Variants in NPR1 observed in about 807,000 individuals in gnomAD.
NPR1 encodes natriuretic peptide receptor 1, also known as atrial natriuretic peptide receptor 1.
A neutral mutation model predicts 116.9 loss-of-function variants in NPR1; 57 were observed. That is an observed-to-expected ratio of 0.49 (90% CI 0.39 to 0.61). The LOEUF (loss-of-function observed/expected upper bound fraction) is 0.61, where lower values mean the gene tolerates loss of function less well. Among genes scored for constraint, NPR1 ranks in the 20% least tolerant of loss-of-function variants. NPR1 has a pLI of 0.00. For missense variants in NPR1, 1,096 were observed against 1,409.8 expected, an observed-to-expected ratio of 0.78 and a Z score of 3.56; for synonymous variants, 555 against 601.6, an observed-to-expected ratio of 0.92 and a Z score of 1.13.
At chr1:153,681,922 G>A in intron 4 of NPR1, 83 bp downstream of exon 4, 1 of 1,542,080 alleles carries the variant, frequency 6.5e-7, no homozygotes, top group Non-Finnish European at 8.8e-7. Context: ...GAAGCCTATT[G>A]TCCTGCAGCA....
At chr1:153,690,408 T>C in intron 20 of NPR1, 26 bp downstream of exon 20, 1 of 1,516,000 alleles carries the variant, frequency 6.6e-7, no homozygotes, top group Non-Finnish European at 9.0e-7. Context: ...CTAGAGGGAA[T>C]GGGGAGGGCA....
rs1343940440 is a variant in NPR1, at chr1:153,689,102, G to A, written c.2564+3G>A. ...CTGCTCTACCAGATCCTGCCTCAGT[G>A]AGTGCCTGAGTCTGGGGACCCCCCC... On this transcript the variant is annotated splice_donor_region_variant and intron_variant, in intron 16 of 21. Transcript: ENST00000368680. The surrounding 1 kb of genome is among the most constrained non-coding windows in gnomAD (Gnocchi z 5.1). 5 of 1,614,034 alleles carry A rather than the reference G, an allele frequency of 3.1e-6. No homozygotes were observed. The highest frequency in any genetic ancestry group is 4.2e-6 in the Non-Finnish European group (5 of 1,180,020).
Position 153,681,197 on chromosome 1 carries a change from A to G in NPR1, c.939A>G (p.Thr313=). Residue 313 remains threonine, a synonymous_variant, in exon 3 of 22, where the codon ACA becomes ACG. Transcript: ENST00000368680. ...RQAFQAAKII[T]YKDPDNPEYL... is the part of the protein sequence containing the mutation. ...TTTCTCAGGCTGCCAAAATCATTAC[A>G]TATAAAGACCCAGATAATCCCGAGT... The G allele has an allele frequency of 6.2e-7, 1 of 1,610,820 alleles. No homozygotes were observed. The highest frequency in any genetic ancestry group is 2.2e-5 in the East Asian group (1 of 44,870).
In NPR1 at chr1:153,686,175, G is replaced by A. The variant is rs1233840056; in HGVS notation, c.1733G>A (p.Arg578Gln). The A allele has an allele frequency of 3.5e-5, 57 of 1,614,132 alleles. No homozygotes were observed. The highest frequency in any genetic ancestry group is 4.6e-5 in the Non-Finnish European group (54 of 1,180,022). Residue 578 changes from arginine (R) to glutamine (Q), a missense_variant, in exon 10 of 22, where the codon CGA becomes CAA. By Grantham distance (43) the Arg-to-Gln change is conservative. Transcript: ENST00000368680. ...AACCGTAAACGCATTGAGCTGACAC[G>A]AAAAGTCCTGTTTGAACTGAAGCAT... The part of the protein sequence containing the change: ...RVNRKRIELT[R>Q]KVLFELKHMR...
At position 153,679,146 on chromosome 1, in the gene NPR1, G is replaced by GCCTGCT. The variant is rs1021769501; in HGVS notation, c.51_56dup (p.Leu19_Leu20dup). ...CGGCGCCCCGCTGGCTCCCGCCTGCGCCTGCTCCTGCTCCTGCTGCTGCCG... is the reference window on the plus strand; with the variant it reads ...CGGCGCCCCGCTGGCTCCCGCCTGCGCCTGCTCCTGCTCCTGCTCCTGCTGCTGCCG... On this transcript the variant is annotated inframe_insertion, in exon 1 of 22. Transcript: ENST00000368680. The surrounding 1 kb of genome is among the most constrained non-coding windows in gnomAD (Gnocchi z 4.2). 20 of 1,474,956 alleles carry GCCTGCT rather than the reference G, an allele frequency of 1.4e-5. No individual in the cohort carries two copies. The highest frequency in any genetic ancestry group is 1.6e-5 in the Non-Finnish European group (18 of 1,121,712). 91.4% of individuals were successfully genotyped at this position (1,474,956 alleles called of 1,614,324 possible). A position where few individuals can be genotyped will look rare whatever the true frequency, so the allele number is the denominator to read the frequency against.
In NPR1 at chr1:153,688,978, A is replaced by AAT. The variant is rs1557965024; in HGVS notation, c.2444_2445insTA (p.Leu816ThrfsTer47). 1 of 1,614,194 alleles carries AAT rather than the reference A, an allele frequency of 6.2e-7. No homozygotes were observed. Among genetic ancestry groups the AAT allele is most frequent in the South Asian group, 1.1e-5 (1 of 91,088 alleles). Reference sequence around the variant, plus strand: ...GGAGAACAGCAGCAACATCCTGGACAACCTGCTGTCCCGCATGGAGCAGTA... The same window carrying AAT: ...GGAGAACAGCAGCAACATCCTGGACAATACCTGCTGTCCCGCATGGAGCAGTA... On this transcript the variant is annotated frameshift_variant, in exon 16 of 22. Coordinates refer to ENST00000368680, the MANE Select transcript of NPR1 (RefSeq NM_000906.4). LOFTEE classifies it high-confidence loss of function.
intron 7 of NPR1, among the ~76,000 whole-genome samples, 195 bp downstream of exon 7, chr1:153,684,019 G>C (rs76081338): frequency 6.6e-6 from 1 of 152,158 alleles, no homozygotes; most frequent in Non-Finnish European, 1.5e-5. Flanking sequence ...GAGGGGAGGA[G>C]ACAAGGATAG....
Position 153,687,189 on chromosome 1 carries a change from C to T in NPR1, c.1936-11C>T, listed in dbSNP as rs1050235129. 6 of 1,613,982 alleles carry T rather than the reference C, an allele frequency of 3.7e-6. No homozygotes were observed. The highest frequency in any genetic ancestry group is 5.1e-6 in the Non-Finnish European group (6 of 1,179,968). On this transcript the variant is annotated splice_polypyrimidine_tract_variant and intron_variant, in intron 12 of 21. Coordinates refer to ENST00000368680, the MANE Select transcript of NPR1 (RefSeq NM_000906.4). ...CTCCTGGCCAATACCTCTGCCCACT[C>T]ACATTTCCAGGGCATGCTGTTTCTA...
chr1:153,688,360 A>G lies in NPR1; in HGVS notation c.2417+139A>G, dbSNP rs542322198. 7.2e-6 allele frequency: 6 copies of G among 828,612 alleles called. No individual in the cohort carries two copies. The South Asian group carries it at 1.1e-4, about 15-fold the overall frequency. The allele number at this position is 828,612 out of a possible 1,614,324, so 51.3% of individuals were successfully genotyped here. ...CCCTGTACATAGTCAGCTCCAGCTC[A>G]GCACAGCCTCATGACCCTCTTCGCA... On this transcript the variant is annotated intron_variant, in intron 15 of 21. Transcript: ENST00000368680.
Position 153,686,206 on chromosome 1 carries a change from G to C in NPR1, c.1758+6G>C. 1 of 1,613,896 alleles carries C rather than the reference G, an allele frequency of 6.2e-7. No homozygotes were observed. Among genetic ancestry groups the C allele is most frequent in the Non-Finnish European group, 8.5e-7 (1 of 1,179,822 alleles). ...TCCTGTTTGAACTGAAGCATGTAATGTGGGGAGTGAGGCAGTGGCATGGAG... is the reference window on the plus strand; with the variant it reads ...TCCTGTTTGAACTGAAGCATGTAATCTGGGGAGTGAGGCAGTGGCATGGAG... On this transcript the variant is annotated splice_donor_region_variant and intron_variant, in intron 10 of 21. Transcript: ENST00000368680.
chr1:153,687,934 A>C (rs1201617001), intron 14 of NPR1, 119 bp from the exon 15 acceptor site: 1 of 1,080,050 alleles, frequency 9.3e-7, no homozygotes, highest in African/African-American at 1.6e-5. Context: ...GCCAGTGACC[A>C]GTCCCCCGCC....
chr1:153,688,631 C>A (rs1670001481), intron 15 of NPR1: 4 of 446,592 alleles, frequency 9.0e-6, no homozygotes. Flanking sequence ...CCAGACACAC[C>A]CTTCTGTGGA....
intron 4 of NPR1, 116 bp downstream of exon 4, chr1:153,681,955 T>C: frequency 3.9e-6 from 5 of 1,273,340 alleles, no homozygotes; most frequent in Non-Finnish European, 5.4e-6. Context: ...CACCAGCCTT[T>C]TCCTCCACAG....
At chr1:153,682,396 T>C in intron 4 of NPR1, 102 bp from the exon 5 acceptor site, 3 of 818,982 alleles carry the variant, frequency 3.7e-6, no homozygotes, top group Non-Finnish European at 4.2e-6. Context: ...TACATGTATG[T>C]TTGGAAGGCA....
At position 153,679,905 on chromosome 1, in the gene NPR1, T is replaced by C. The variant is rs1669714586; in HGVS notation, c.721+76T>C. 1.3e-6 allele frequency: 2 copies of C among 1,495,888 alleles called. No individual in the cohort carries two copies. Among genetic ancestry groups the C allele is most frequent in the African/African-American group, 1.4e-5 (1 of 70,564 alleles). 92.7% of individuals were successfully genotyped at this position (1,495,888 alleles called of 1,614,324 possible). On this transcript the variant is annotated intron_variant, in intron 1 of 21. Transcript: ENST00000368680. The surrounding 1 kb of genome is among the most constrained non-coding windows in gnomAD (Gnocchi z 4.2). Reference sequence around the variant, plus strand: ...CTGACCTGCCGGAGGCATCGGGACTTTCTCTCTCATCTGGGGGCACTCTTC... The same window carrying C: ...CTGACCTGCCGGAGGCATCGGGACTCTCTCTCTCATCTGGGGGCACTCTTC...
Position 153,679,692 on chromosome 1 carries a change from A to G in NPR1, c.584A>G (p.His195Arg), listed in dbSNP as rs768922630. 1 of 1,609,742 alleles carries G rather than the reference A, an allele frequency of 6.2e-7. No homozygotes were observed. The highest frequency in any genetic ancestry group is 1.1e-5 in the South Asian group (1 of 90,702). The change falls in exon 1 of 22, where the codon CAC (histidine) becomes CGC (arginine). Residue 195 changes from histidine to arginine, a missense_variant. By Grantham distance (29) the His-to-Arg change is conservative. Coordinates refer to ENST00000368680, the MANE Select transcript of NPR1 (RefSeq NM_000906.4). This position sits in a 1 kb window ranked among gnomAD's most constrained non-coding sequence, Gnocchi z 4.2. ...LYAYRPGDEE[H>R]CFFLVEGLFM... ...GCCTACCGGCCGGGTGACGAAGAGC[A>G]CTGCTTCTTCCTCGTGGAGGGGCTG...
intron 7 of NPR1, among the ~76,000 whole-genome samples, chr1:153,684,427 C>T (rs1198948895): frequency 8.3e-6 from 1 of 120,126 alleles, no homozygotes; most frequent in African/African-American, 3.2e-5. Flanking sequence ...GAGTCTCGCT[C>T]TGTTGCCAGA....
At position 153,689,771 on chromosome 1, in the gene NPR1, C is replaced by T. The variant is rs1212066529; in HGVS notation, c.2758-35C>T. ...GGTGTGGCCGGCCGCACAGTTGCAG[C>T]CGTCAAGTCCTGCACCCCCTCGCCA... On this transcript the variant is annotated intron_variant, in intron 18 of 21. Transcript: ENST00000368680. The surrounding 1 kb of genome is among the most constrained non-coding windows in gnomAD (Gnocchi z 5.1). The T allele has an allele frequency of 2.0e-6, 3 of 1,490,654 alleles. No individual in the cohort carries two copies. Among genetic ancestry groups the T allele is most frequent in the Non-Finnish European group, 2.7e-6 (3 of 1,112,346 alleles). 92.3% of individuals were successfully genotyped at this position (1,490,654 alleles called of 1,614,324 possible).
rs992523918 is a variant in NPR1 at position 153,689,965 on chromosome 1, A to G, written c.2917A>G (p.Ile973Val). Residue 973 changes from isoleucine to valine, a missense_variant, in exon 19 of 22, where the codon ATT becomes GTT. By Grantham distance (29) the Ile-to-Val change is conservative. Coordinates refer to ENST00000368680, the MANE Select transcript of NPR1 (RefSeq NM_000906.4). This position sits in a 1 kb window ranked among gnomAD's most constrained non-coding sequence, Gnocchi z 5.1. ...HRPQEQLRLR[I>V]GIHTGPVCAG... ...GCCCCAGGAGCAGCTGCGCTTGCGC[A>G]TTGGCATCCACACAGGTAAGGCCAC... 11 of 1,533,518 alleles carry G rather than the reference A, an allele frequency of 7.2e-6. No homozygotes were observed. The African/African-American group carries it at 1.2e-4, about 17-fold the overall frequency. The allele number at this position is 1,533,518 out of a possible 1,614,324, so 95.0% of individuals were successfully genotyped here.
Sources: gnomAD v4.1 joint callset for allele counts (sites outside exome capture counted in the v4.1 genomes callset) on GRCh38, gnomAD v4.1.1 for gene constraint, Gnocchi (gnomAD v3.1) non-coding constraint, MANE v1.5 for transcripts, NCBI Gene and HGNC (gene_info 2026-07-23, HGNC 2026-07-21) for gene names.